PAPPA: variants seen among roughly 807,000 people sequenced by gnomAD.
PAPPA encodes the protein pappalysin-1.
Under a neutral mutation model 164.0 loss-of-function variants are expected in PAPPA, and 60 were observed. The ratio of observed to expected loss-of-function variants is 0.37; its 90% CI spans 0.30 to 0.45. The LOEUF is 0.45. Ranked by LOEUF, PAPPA falls within the 20% of genes least tolerant of loss-of-function variation. The pLI, the probability that PAPPA is intolerant of heterozygous loss-of-function variation, is 1.00. For missense variants in PAPPA, 1,782 were observed against 2,087.3 expected, an observed-to-expected ratio of 0.85 and a Z score of 2.85; for synonymous variants, 875 against 814.1, an observed-to-expected ratio of 1.07 and a Z score of -1.27.
chr9:116,193,731 A>G (rs2118643966), intron 2 of PAPPA, among the ~76,000 whole-genome samples: 1 of 152,360 alleles, frequency 6.6e-6, no homozygotes, highest in East Asian at 1.9e-4. Context: ...TAAATGCTGT[A>G]GGGGTCCAAG....
At chr9:116,273,330 C>G (rs1252056627) in intron 9 of PAPPA, among the ~76,000 whole-genome samples, 1 of 152,110 alleles carries the variant, frequency 6.6e-6, no homozygotes, top group Non-Finnish European at 1.5e-5. Flanking sequence ...CCAGCCTGCC[C>G]CCTGTAATTG....
intron 1 of PAPPA, among the ~76,000 whole-genome samples, chr9:116,161,083 A>G (rs1402148289): frequency 6.6e-6 from 1 of 152,202 alleles, no homozygotes; most frequent in Non-Finnish European, 1.5e-5. Flanking sequence ...ACGGGTCAGC[A>G]TGGTTAGGAG....
chr9:116,363,727 G>C (rs1846460762), intron 18 of PAPPA, among the ~76,000 whole-genome samples: 1 of 152,182 alleles, frequency 6.6e-6, no homozygotes, highest in Non-Finnish European at 1.5e-5. Flanking sequence ...AATGTGCATA[G>C]AGCCAACATG....
intron 1 of PAPPA, among the ~76,000 whole-genome samples, chr9:116,155,438 T>A (rs1843590655): frequency 6.6e-6 from 1 of 152,170 alleles, no homozygotes; most frequent in African/African-American, 2.4e-5. Context: ...TCTAAATGAA[T>A]CTGTGGAAAT....
chr9:116,161,957 C>A (rs779367739), intron 1 of PAPPA, among the ~76,000 whole-genome samples: 1 of 152,114 alleles, frequency 6.6e-6, no homozygotes, highest in African/African-American at 2.4e-5. Flanking sequence ...CGGAGACCAC[C>A]GTTTAGAGAG....
chr9:116,311,189 A>G (rs1311666831), intron 10 of PAPPA, among the ~76,000 whole-genome samples: 4 of 151,604 alleles, frequency 2.6e-5, no homozygotes, highest in African/African-American at 7.3e-5. Context: ...ACTTCCCTGA[A>G]CCTCTCAATC....
chr9:116,285,152 CTTTTTCT>C lies in PAPPA; in HGVS notation c.2953+13740_2953+13746del, dbSNP rs1845317924. On this transcript the variant is annotated intron_variant, in intron 9 of 21. Transcript: ENST00000328252. ...TTCTTTTTCTTTTTTCTTTCTTTTT[CTTTTTCT>C]TTTCTTTCTTTCTTTTTTTTTTTTT... 2.3e-5 allele frequency among the ~76,000 whole-genome samples: 3 copies of C among 129,506 alleles called. No homozygotes were observed. In the South Asian group the frequency reaches 7.8e-4, roughly 34 times the overall value. The allele number at this position is 129,506 out of a possible 152,430, so 85.0% of individuals were successfully genotyped here.
chr9:116,319,840 C>T (rs1455905257), intron 10 of PAPPA, among the ~76,000 whole-genome samples: 1 of 152,148 alleles, frequency 6.6e-6, no homozygotes, highest in Middle Eastern at 3.2e-3. Context: ...ATACTGGCTT[C>T]CCGGGAATGT....
intron 9 of PAPPA, among the ~76,000 whole-genome samples, chr9:116,280,718 G>T (rs2118842731): frequency 6.6e-6 from 1 of 152,322 alleles, no homozygotes; most frequent in South Asian, 2.1e-4. Flanking sequence ...CACAGACCAG[G>T]TGTCAGTAAA....
intron 9 of PAPPA, among the ~76,000 whole-genome samples, chr9:116,284,545 CTTTTTTTTTTTT>C (rs61248033): frequency 2.3e-5 from 2 of 88,240 alleles, no homozygotes; most frequent in Admixed American, 1.5e-4. Context: ...TAGTCTGGGC[CTTTTTTTTTTTT>C]TTTTTTTTTT....
In PAPPA at chr9:116,211,645, T is replaced by C. The variant is rs1373279946; in HGVS notation, c.1631T>C (p.Ile544Thr). ...DKEALMHLGG[I>T]VLNPSFYGMP... is the part of the protein sequence containing the mutation. ...TCTGGATTTCCCCTTACAGGTGGCA[T>C]TGTCTTGAACCCATCTTTCTATGGC... Residue 544 changes from isoleucine (I) to threonine (T), a missense_variant, in exon 4 of 22, where the codon ATT (isoleucine) becomes ACT (threonine). Transcript: ENST00000328252. The C allele has an allele frequency of 6.2e-7, 1 of 1,612,834 alleles. No homozygotes were observed. The highest frequency in any genetic ancestry group is 1.7e-5 in the Admixed American group (1 of 59,972).
At position 116,169,310 on chromosome 9, in the gene PAPPA, C is replaced by CTTTTTTTT. The variant is rs563871496; in HGVS notation, c.415+14743_415+14750dup. 1.6e-3 allele frequency among the ~76,000 whole-genome samples: 81 copies of CTTTTTTTT among 52,152 alleles called. 17 individuals carry two copies. Among genetic ancestry groups the CTTTTTTTT allele is most frequent in the African/African-American group, 4.2e-3 (57 of 13,728 alleles). The allele number at this position is 52,152 out of a possible 152,430, so 34.2% of individuals were successfully genotyped here. On this transcript the variant is annotated intron_variant, in intron 1 of 21. Transcript: ENST00000328252. Reference sequence around the variant, plus strand: ...GTCCTTCGGCCTCTCCAAACCCATTCTTTTTTTTTTTTTTTTTTTTTTTTT... The same window carrying CTTTTTTTT: ...GTCCTTCGGCCTCTCCAAACCCATTCTTTTTTTTTTTTTTTTTTTTTTTTTTTTTTTTT...
intron 4 of PAPPA, among the ~76,000 whole-genome samples, chr9:116,215,753 A>G (rs1027177461): frequency 2.6e-5 from 4 of 152,238 alleles, no homozygotes; most frequent in African/African-American, 9.6e-5. Context: ...ATGAAAGTTA[A>G]AAAACAAACA....
intron 1 of PAPPA, among the ~76,000 whole-genome samples, chr9:116,165,256 G>T (rs999740729): frequency 1.3e-5 from 2 of 152,098 alleles, no homozygotes; most frequent in African/African-American, 4.8e-5. Flanking sequence ...TCTACTAATG[G>T]TAGTTATTTG....
At chr9:116,287,201 T>C (rs1845350628) in intron 9 of PAPPA, 1 of 152,238 alleles carries the variant, frequency 6.6e-6, no homozygotes, top group Non-Finnish European at 1.5e-5. Flanking sequence ...CCTTATGTAC[T>C]TGAAACATTT....
chr9:116,319,952 T>C (rs1845833826), intron 10 of PAPPA, among the ~76,000 whole-genome samples: 2 of 152,220 alleles, frequency 1.3e-5, no homozygotes, highest in African/African-American at 4.8e-5. Flanking sequence ...GCCTCTAACA[T>C]AAGCTTTTCC....
At chr9:116,263,294 G>A (rs1231503245) in intron 7 of PAPPA, among the ~76,000 whole-genome samples, 1 of 152,144 alleles carries the variant, frequency 6.6e-6, no homozygotes, top group Non-Finnish European at 1.5e-5. Context: ...AACCTTCTGG[G>A]ATCCAGAATT....
chr9:116,392,296 A>C (rs1273600825), intron 21 of PAPPA, among the ~76,000 whole-genome samples: 1 of 152,152 alleles, frequency 6.6e-6, no homozygotes, highest in Non-Finnish European at 1.5e-5. Context: ...CTTGCTGAAA[A>C]GCTCTCAAGT....
chr9:116,225,762 G>A (rs1240186374), intron 5 of PAPPA, among the ~76,000 whole-genome samples: 2 of 152,112 alleles, frequency 1.3e-5, no homozygotes, highest in Non-Finnish European at 2.9e-5. Flanking sequence ...TTGAAGGTCT[G>A]CACTAAGTTA....
Sources: allele counts gnomAD v4.1 joint callset (sites outside exome capture counted in the v4.1 genomes callset), GRCh38; gene constraint gnomAD v4.1.1; transcripts MANE v1.5; gene names NCBI Gene and HGNC (gene_info 2026-07-23, HGNC 2026-07-21).